Variants in SEMA3C observed in about 807,000 individuals in gnomAD.
SEMA3C encodes the protein semaphorin 3C.
A neutral mutation model predicts 89.4 loss-of-function variants in SEMA3C; 47 were observed. The ratio of observed to expected loss-of-function variants is 0.53; its 90% CI spans 0.42 to 0.67. The LOEUF is 0.67. SEMA3C is among the 30% of genes least tolerant of loss of function. The pLI, the probability that SEMA3C is intolerant of heterozygous loss-of-function variation, is 0.00. For synonymous variants in SEMA3C, 310 were observed against 320.2 expected (o/e 0.97, Z 0.34); for missense variants, 839 against 929.1 (o/e 0.90, Z 1.26).
At chr7:80,829,754 A>G (rs1789966997) in intron 2 of SEMA3C, among the ~76,000 whole-genome samples, 1 of 152,156 alleles carries the variant, frequency 6.6e-6, no homozygotes, top group Non-Finnish European at 1.5e-5. Context: ...ACGTATCGTG[A>G]CATTCATGAT....
intron 11 of SEMA3C, chr7:80,796,273 AAAT>A (rs1219893038): frequency 2.0e-5 from 3 of 152,218 alleles, no homozygotes; most frequent in Non-Finnish European, 4.4e-5. Context: ...ATGTTGAGTA[AAAT>A]AATAACAGCC....
intron 14 of SEMA3C, among the ~76,000 whole-genome samples, chr7:80,760,838 C>T (rs935421607): frequency 2.0e-5 from 3 of 152,128 alleles, no homozygotes; most frequent in Admixed American, 6.5e-5. Context: ...TTTGTTTGTA[C>T]ATTATGGTCA....
intron 15 of SEMA3C, among the ~76,000 whole-genome samples, chr7:80,757,759 A>G (rs1035992433): frequency 6.6e-6 from 1 of 152,156 alleles, no homozygotes; most frequent in Non-Finnish European, 1.5e-5. Context: ...TCACGAGGTC[A>G]GGAGTTCAAG....
chr7:80,784,978 T>C (rs1053508528), intron 12 of SEMA3C, among the ~76,000 whole-genome samples: 6 of 152,078 alleles, frequency 3.9e-5, no homozygotes, highest in Non-Finnish European at 7.4e-5. Context: ...AAATAAAAGG[T>C]CAGAGGACAA....
At chr7:80,919,377 T>A, upstream of SEMA3C, 1 of 985,322 alleles carries the variant, frequency 1.0e-6, no homozygotes, top group Non-Finnish European at 1.2e-6. Context: ...ACTTGCTGGG[T>A]GCGCTCCACG....
chr7:80,772,096 A>G (rs979593701), intron 12 of SEMA3C, among the ~76,000 whole-genome samples: 2 of 152,218 alleles, frequency 1.3e-5, no homozygotes, highest in Admixed American at 6.5e-5. Context: ...AAAGAACTGC[A>G]AAATATTTGC....
At chr7:80,811,010 T>C (rs1789455366) in intron 5 of SEMA3C, among the ~76,000 whole-genome samples, 1 of 152,118 alleles carries the variant, frequency 6.6e-6, no homozygotes. Flanking sequence ...AAATCTCAAC[T>C]AGATGCGTTG....
Position 80,802,017 on chromosome 7 carries a change from T to G in SEMA3C, c.916+648A>C, listed in dbSNP as rs1327112050. On this transcript the variant is annotated intron_variant, in intron 9 of 17. Coordinates refer to ENST00000265361, the MANE Select transcript of SEMA3C (RefSeq NM_006379.5). ...TATTTTACCTTCTAATGAATTAAGG[T>G]GAAAGAAAAGTCATTTACAAATGAC... is the stretch of plus-strand genomic sequence containing the variant. Among the ~76,000 whole-genome samples, 25 of 152,098 alleles carry G rather than the reference T, an allele frequency of 1.6e-4. 1 individual carries two copies. Among genetic ancestry groups the G allele is most frequent in the Non-Finnish European group, 2.9e-5 (2 of 67,978 alleles).
At chr7:80,903,967 C>A (rs1400713644) in intron 2 of SEMA3C, among the ~76,000 whole-genome samples, 1 of 152,172 alleles carries the variant, frequency 6.6e-6, no homozygotes, top group African/African-American at 2.4e-5. Context: ...CCATTAGACA[C>A]AGAGGGCATC....
At chr7:80,907,897 T>G (rs116003677) in intron 2 of SEMA3C, among the ~76,000 whole-genome samples, 1,616 of 152,166 alleles carry the variant, frequency 0.011, 26 homozygotes, top group African/African-American at 0.037. Flanking sequence ...TATCTAAACT[T>G]CTGCATGCCT....
chr7:80,752,667 A>C (rs1787964533), intron 15 of SEMA3C, among the ~76,000 whole-genome samples: 1 of 152,126 alleles, frequency 6.6e-6, no homozygotes, highest in South Asian at 2.1e-4. Context: ...TATTTAAATA[A>C]GTTCTAAGTT....
Position 80,827,324 on chromosome 7 carries a change from A to G in SEMA3C, c.327+101T>C, listed in dbSNP as rs1417778550. 3 of 1,246,822 alleles carry G rather than the reference A, an allele frequency of 2.4e-6. No homozygotes were observed. In the African/African-American group the frequency reaches 4.7e-5, roughly 20 times the overall value. 77.2% of individuals were successfully genotyped at this position (1,246,822 alleles called of 1,614,324 possible). ...GTGTCCAGCAAAAATTTAAAACACC[A>G]CCATCCTTGTCTCATTTTTGGCTTC... is the stretch of plus-strand genomic sequence containing the variant. On this transcript the variant is annotated intron_variant, in intron 4 of 17. Coordinates refer to ENST00000265361, the MANE Select transcript of SEMA3C (RefSeq NM_006379.5).
chr7:80,770,831 T>C (rs1788415856), intron 12 of SEMA3C, among the ~76,000 whole-genome samples: 1 of 152,240 alleles, frequency 6.6e-6, no homozygotes, highest in Non-Finnish European at 1.5e-5. Flanking sequence ...GAGCCTCTTC[T>C]TCTTTCTGAA....
chr7:80,882,757 TG>T lies in SEMA3C; in HGVS notation c.103+33921del, dbSNP rs562377618. On this transcript the variant is annotated intron_variant, in intron 2 of 17. Coordinates refer to ENST00000265361, the MANE Select transcript of SEMA3C (RefSeq NM_006379.5). ...GGATATATTCTTTTTCTTTTCTTTT[TG>T]TAAGTCCTATAATACAGTAAAGACA... Among the ~76,000 whole-genome samples, 5 of 152,194 alleles carry T rather than the reference TG, an allele frequency of 3.3e-5. No homozygotes were observed. The South Asian group carries it at 1.0e-3, about 32-fold the overall frequency.
intron 6 of SEMA3C, among the ~76,000 whole-genome samples, chr7:80,807,945 T>G (rs1035785099): frequency 3.3e-5 from 5 of 152,232 alleles, no homozygotes; most frequent in African/African-American, 1.2e-4. Flanking sequence ...TAAAGCTTTT[T>G]GTTCTTTTTA....
At position 80,828,637 on chromosome 7, in the gene SEMA3C, T is replaced by G. The variant is rs1451273636; in HGVS notation, c.212A>C (p.Lys71Thr). The change falls in exon 3 of 18, where the codon AAA becomes ACA. Residue 71 changes from lysine to threonine, a missense_variant. Physicochemically the swap from Lys to Thr is moderately conservative, Grantham distance 78. Coordinates refer to ENST00000265361, the MANE Select transcript of SEMA3C (RefSeq NM_006379.5). ...AATATTCAGGGAAAGAATGTGATCT[T>G]TGCTTCCCACATATATCCGGTCCTG... ...EDQDRIYVGSKDHILSLNINN... is the reference protein window; with the variant it reads ...EDQDRIYVGSTDHILSLNINN... 1.2e-6 allele frequency: 2 copies of G among 1,612,096 alleles called. No homozygotes were observed. Among genetic ancestry groups the G allele is most frequent in the Non-Finnish European group, 1.7e-6 (2 of 1,178,622 alleles).
chr7:80,896,999 G>A (rs1791754167), intron 2 of SEMA3C, among the ~76,000 whole-genome samples: 1 of 152,190 alleles, frequency 6.6e-6, no homozygotes, highest in African/African-American at 2.4e-5. Context: ...AGACTTGTGT[G>A]GCAGGGGTGT....
In SEMA3C at chr7:80,828,597, T is replaced by C. The variant is rs1789935795; in HGVS notation, c.252A>G (p.Gln84=). The C allele has an allele frequency of 6.2e-7, 1 of 1,606,850 alleles. No individual in the cohort carries two copies. The highest frequency in any genetic ancestry group is 8.5e-7 in the Non-Finnish European group (1 of 1,175,690). Residue 84 remains glutamine, a synonymous_variant, in exon 3 of 18, where the codon CAA becomes CAG. Coordinates refer to ENST00000265361, the MANE Select transcript of SEMA3C (RefSeq NM_006379.5). ...ILSLNINNIS[Q]EALSVFWPAS... is the part of the protein sequence containing the mutation. ...GTGATAAACTTACACTCAAAGCTTC[T>C]TGACTTATATTGTTAATATTCAGGG...
At chr7:80,804,047 A>T in intron 8 of SEMA3C, 59 bp downstream of exon 8, 10 of 1,476,230 alleles carry the variant, frequency 6.8e-6, no homozygotes, top group Non-Finnish European at 9.1e-6. Context: ...AAGCACGGAG[A>T]TAAACCATAA....
Sources: allele counts gnomAD v4.1 joint callset (sites outside exome capture counted in the v4.1 genomes callset), GRCh38; gene constraint gnomAD v4.1.1; transcripts MANE v1.5; gene names NCBI Gene and HGNC (gene_info 2026-07-23, HGNC 2026-07-21).